Variants in RPAP2 observed in about 807,000 individuals in gnomAD.
RPAP2 encodes the protein RNA polymerase II associated protein 2.
RPAP2 carries 52 observed loss-of-function variants against 73.1 expected under a neutral mutation model. That is an observed-to-expected ratio of 0.71 (90% CI 0.57 to 0.90). The LOEUF (loss-of-function observed/expected upper bound fraction) is 0.90. Among genes scored for constraint, RPAP2 ranks in the 40% least tolerant of loss-of-function variants. The pLI, the probability that RPAP2 is intolerant of heterozygous loss-of-function variation, is 0.00. For missense variants in RPAP2, 598 were observed against 701.8 expected (o/e 0.85, Z 1.67); for synonymous variants, 225 against 242.1 (o/e 0.93, Z 0.65).
chr1:92,367,575 T>C (rs907261954), intron 11 of RPAP2, among the ~76,000 whole-genome samples: 1 of 152,218 alleles, frequency 6.6e-6, no homozygotes, highest in African/African-American at 2.4e-5. Flanking sequence ...CTTTTAGCAG[T>C]CTTTACATCT....
intron 11 of RPAP2, among the ~76,000 whole-genome samples, chr1:92,357,367 AG>A (rs1571119975): frequency 1.3e-5 from 2 of 152,226 alleles, no homozygotes; most frequent in East Asian, 3.8e-4. Flanking sequence ...AGGTTATAAC[AG>A]AAGTAAAAGA....
chr1:92,349,694 G>C (rs1221215494), intron 11 of RPAP2, among the ~76,000 whole-genome samples: 1 of 152,178 alleles, frequency 6.6e-6, no homozygotes, highest in Non-Finnish European at 1.5e-5. Flanking sequence ...TTGGGAGGCT[G>C]AGGCAGGAGG....
At chr1:92,373,117 A>G (rs1426689396) in intron 11 of RPAP2, among the ~76,000 whole-genome samples, 2 of 152,238 alleles carry the variant, frequency 1.3e-5, no homozygotes, top group Non-Finnish European at 2.9e-5. Context: ...GAGATAGACA[A>G]GCAAACAAAT....
chr1:92,308,658 T>TGG (rs1372944793), intron 6 of RPAP2, among the ~76,000 whole-genome samples: 1 of 152,248 alleles, frequency 6.6e-6, no homozygotes, highest in African/African-American at 2.4e-5. Flanking sequence ...TTCCTTTAGC[T>TGG]AATTTAAAAC....
In RPAP2 at chr1:92,391,807, C is replaced by A. The variant is rs1656050094; in HGVS notation, c.*4796C>A. 2.0e-5 allele frequency: 3 copies of A among 152,200 alleles called. No homozygotes were observed. The highest frequency in any genetic ancestry group is 6.5e-5 in the Admixed American group (1 of 15,272). 9.4% of individuals were successfully genotyped at this position (152,200 alleles called of 1,614,324 possible). A position where few individuals can be genotyped will look rare whatever the true frequency, so the allele number is the denominator to read the frequency against. ...GAAGAAATGGATAAATTCCTCGACA[C>A]ATACACCCTCCCAAGACTAAACCAG... On this transcript the variant is annotated 3_prime_UTR_variant, in exon 13 of 13. Coordinates refer to ENST00000610020, the MANE Select transcript of RPAP2 (RefSeq NM_024813.3).
chr1:92,333,502 G>T, intron 9 of RPAP2, 29 bp downstream of exon 9: 8 of 1,479,464 alleles, frequency 5.4e-6, no homozygotes, highest in Non-Finnish European at 7.6e-6. Context: ...TTCCAGCTTT[G>T]TAGTAGTTTT....
chr1:92,382,282 C>A (rs1195466728), intron 12 of RPAP2, among the ~76,000 whole-genome samples: 1 of 152,162 alleles, frequency 6.6e-6, no homozygotes. Context: ...TGGGTATATA[C>A]CCAGTAATGG....
At chr1:92,363,971 T>C (rs763484891) in intron 11 of RPAP2, among the ~76,000 whole-genome samples, 2 of 152,162 alleles carry the variant, frequency 1.3e-5, no homozygotes, top group Non-Finnish European at 2.9e-5. Context: ...TAGTTAAGTT[T>C]TGGGGAGTCA....
At chr1:92,317,235 G>A (rs1651961577) in intron 6 of RPAP2, among the ~76,000 whole-genome samples, 1 of 152,110 alleles carries the variant, frequency 6.6e-6, no homozygotes, top group Non-Finnish European at 1.5e-5. Flanking sequence ...AAGGCTCGGT[G>A]CGGTGGCTCA....
chr1:92,379,952 T>TATAA (rs1331961060), intron 11 of RPAP2, among the ~76,000 whole-genome samples: 2 of 149,944 alleles, frequency 1.3e-5, no homozygotes, highest in Admixed American at 1.3e-4. Context: ...ATAATAATAA[T>TATAA]ATAAATAAAT....
rs1034252901 is a variant in RPAP2, at chr1:92,399,951, A to T, written c.*12940A>T. 1 of 152,222 alleles carries T rather than the reference A, an allele frequency of 6.6e-6. No homozygotes were observed. Among genetic ancestry groups the T allele is most frequent in the African/African-American group, 2.4e-5 (1 of 41,462 alleles). 9.4% of individuals were successfully genotyped at this position (152,222 alleles called of 1,614,324 possible). On this transcript the variant is annotated 3_prime_UTR_variant, in exon 13 of 13. Coordinates refer to ENST00000610020, the MANE Select transcript of RPAP2 (RefSeq NM_024813.3). ...AAAGAGTCTTGCTACTAGGAAAAAG[A>T]GTTTGAAAATCACTAGTCTAACTAA...
At chr1:92,333,255 C>A (rs952706696) in intron 8 of RPAP2, 136 bp from the exon 9 acceptor site, 3 of 635,674 alleles carry the variant, frequency 4.7e-6, no homozygotes, top group Non-Finnish European at 8.1e-6. Context: ...AAATTTAAAT[C>A]TAATTCTCAA....
chr1:92,305,695 A>G (rs1480817282), intron 5 of RPAP2, among the ~76,000 whole-genome samples: 2 of 152,164 alleles, frequency 1.3e-5, no homozygotes, highest in Non-Finnish European at 2.9e-5. Flanking sequence ...AAAAATTTAC[A>G]CAAGGAACTT....
intron 1 of RPAP2, 127 bp from the exon 2 acceptor site, chr1:92,300,067 G>T: frequency 3.1e-6 from 2 of 652,692 alleles, no homozygotes. Flanking sequence ...GTAGGCAACT[G>T]TATATCTAAA....
Position 92,379,866 on chromosome 1 carries a change from T to C in RPAP2, c.1689-858T>C, listed in dbSNP as rs1178443191. ...AGGAGAATTGCTTGAACCCAGGAGG[T>C]TGCTGTGAGCTGAGATTGCACCACT... On this transcript the variant is annotated intron_variant, in intron 11 of 12. Transcript: ENST00000610020. Among the ~76,000 whole-genome samples, 4 of 150,882 alleles carry C rather than the reference T, an allele frequency of 2.7e-5. No homozygotes were observed. The East Asian group carries it at 7.8e-4, about 29-fold the overall frequency.
At chr1:92,363,652 C>T (rs921619788) in intron 11 of RPAP2, 2 of 265,470 alleles carry the variant, frequency 7.5e-6, no homozygotes, top group Admixed American at 8.9e-5. Flanking sequence ...ATTTTTCCAC[C>T]TCTGCCACAC....
At chr1:92,331,168 G>A (rs1373488699) in intron 8 of RPAP2, among the ~76,000 whole-genome samples, 1 of 152,050 alleles carries the variant, frequency 6.6e-6, no homozygotes, top group African/African-American at 2.4e-5. Context: ...ATGTCTTCCT[G>A]GTGAATTGAA....
At position 92,399,921 on chromosome 1, in the gene RPAP2, C is replaced by T. The variant is rs1656274062; in HGVS notation, c.*12910C>T. The T allele has an allele frequency of 6.6e-6, 1 of 152,252 alleles. No homozygotes were observed. Among genetic ancestry groups the T allele is most frequent in the Non-Finnish European group, 1.5e-5 (1 of 68,006 alleles). The allele number at this position is 152,252 out of a possible 1,614,324, so 9.4% of individuals were successfully genotyped here. A position where few individuals can be genotyped will look rare whatever the true frequency, so the allele number is the denominator to read the frequency against. On this transcript the variant is annotated 3_prime_UTR_variant, in exon 13 of 13. Transcript: ENST00000610020. Reference sequence around the variant, plus strand: ...TTGGGCATCCAGATAAGATTTTCTTCGTACAAAGAGTCTTGCTACTAGGAA... The same window carrying T: ...TTGGGCATCCAGATAAGATTTTCTTTGTACAAAGAGTCTTGCTACTAGGAA...
chr1:92,370,996 T>C (rs1376733513), intron 11 of RPAP2, among the ~76,000 whole-genome samples: 1 of 152,052 alleles, frequency 6.6e-6, no homozygotes, highest in Non-Finnish European at 1.5e-5. Context: ...TGGAGAACAA[T>C]GTGGAGGTTC....
Sources: allele counts gnomAD v4.1 joint callset (sites outside exome capture counted in the v4.1 genomes callset), GRCh38; gene constraint gnomAD v4.1.1; transcripts MANE v1.5; gene names NCBI Gene and HGNC (gene_info 2026-07-23, HGNC 2026-07-21).